BMP5: variants seen among roughly 807,000 people sequenced by gnomAD.
BMP5 encodes bone morphogenetic protein 5.
A neutral mutation model predicts 46.6 loss-of-function variants in BMP5; 23 were observed. That is an observed-to-expected ratio of 0.49 (90% confidence interval 0.35 to 0.70). The LOEUF (loss-of-function observed/expected upper bound fraction) is 0.70, where lower values mean the gene tolerates loss of function less well. Ranked by LOEUF, BMP5 falls within the 30% of genes least tolerant of loss-of-function variation. The pLI, the probability that BMP5 is intolerant of heterozygous loss-of-function variation, is 0.00. For missense variants in BMP5, 545 were observed against 565.6 expected (o/e 0.96, Z 0.37); for synonymous variants, 204 against 191.9 (o/e 1.06, Z -0.52).
rs959536681 is a variant in BMP5, at chr6:55,754,303, A to G, written c.*1230T>C. ...AGAAAATAAATTAATTTTAGAGGGAAGAACACACATGCACACACAGACACA... is the reference window on the plus strand; with the variant it reads ...AGAAAATAAATTAATTTTAGAGGGAGGAACACACATGCACACACAGACACA... On this transcript the variant is annotated 3_prime_UTR_variant, in exon 7 of 7. Transcript: ENST00000370830. The G allele has an allele frequency of 2.6e-5, 3 of 114,372 alleles. No homozygotes were observed. The highest frequency in any genetic ancestry group is 1.1e-4 in the African/African-American group (3 of 27,224). The allele number at this position is 114,372 out of a possible 1,614,324, so 7.1% of individuals were successfully genotyped here.
At chr6:55,820,757 T>C (rs1245356063) in intron 1 of BMP5, among the ~76,000 whole-genome samples, 1 of 150,128 alleles carries the variant, frequency 6.7e-6, no homozygotes, top group Non-Finnish European at 1.5e-5. Flanking sequence ...TGTTTGCTTT[T>C]AAAGCATTTT....
intron 3 of BMP5, among the ~76,000 whole-genome samples, chr6:55,788,448 T>C (rs1242327472): frequency 6.6e-6 from 1 of 151,822 alleles, no homozygotes; most frequent in East Asian, 1.9e-4. Flanking sequence ...TTTCAGAATA[T>C]ACATCAATCT....
intron 1 of BMP5, among the ~76,000 whole-genome samples, chr6:55,863,684 A>G (rs1004570169): frequency 1.3e-5 from 2 of 152,192 alleles, no homozygotes; most frequent in Non-Finnish European, 2.9e-5. Flanking sequence ...TATATATAAC[A>G]CTGGTCTCAT....
intron 1 of BMP5, among the ~76,000 whole-genome samples, chr6:55,834,324 T>A (rs936323622): frequency 9.2e-5 from 14 of 152,188 alleles, no homozygotes; most frequent in Non-Finnish European, 1.0e-4. Flanking sequence ...TCATTACCCC[T>A]AGTTATATTC....
At chr6:55,806,937 G>GCT (rs1776005034) in intron 2 of BMP5, among the ~76,000 whole-genome samples, 1 of 151,878 alleles carries the variant, frequency 6.6e-6, no homozygotes, top group Non-Finnish European at 1.5e-5. Context: ...GAGACTTTTT[G>GCT]GAAGTTGCTT....
At chr6:55,771,765 A>G (rs1394167842) in intron 4 of BMP5, among the ~76,000 whole-genome samples, 2 of 151,894 alleles carry the variant, frequency 1.3e-5, no homozygotes, top group African/African-American at 2.4e-5. Context: ...TCAGGCAAAC[A>G]GGCAATACAA....
At chr6:55,835,840 G>A (rs1776780960) in intron 1 of BMP5, among the ~76,000 whole-genome samples, 1 of 152,130 alleles carries the variant, frequency 6.6e-6, no homozygotes, top group Non-Finnish European at 1.5e-5. Context: ...ACAATTTGGG[G>A]AAAAGAATTA....
At chr6:55,807,528 C>A (rs1446005533) in intron 2 of BMP5, among the ~76,000 whole-genome samples, 1 of 152,096 alleles carries the variant, frequency 6.6e-6, no homozygotes, top group Admixed American at 6.5e-5. Context: ...AGTTTTCTTT[C>A]TTCGTTGTGT....
intron 1 of BMP5, among the ~76,000 whole-genome samples, chr6:55,869,614 C>A (rs1465471342): frequency 6.6e-6 from 1 of 151,906 alleles, no homozygotes; most frequent in Non-Finnish European, 1.5e-5. Context: ...CTTTTTCTTT[C>A]TTTTACTTTT....
intron 4 of BMP5, among the ~76,000 whole-genome samples, chr6:55,765,082 T>C (rs1049514904): frequency 6.6e-6 from 1 of 152,142 alleles, no homozygotes; most frequent in Admixed American, 6.5e-5. Context: ...ATATGTATAA[T>C]TATTATGTAT....
At chr6:55,800,047 T>TAC (rs1775806253) in intron 2 of BMP5, among the ~76,000 whole-genome samples, 1 of 152,168 alleles carries the variant, frequency 6.6e-6, no homozygotes, top group South Asian at 2.1e-4. Flanking sequence ...AACACACATG[T>TAC]ATACACACAC....
At chr6:55,868,666 A>T (rs1365622489) in intron 1 of BMP5, among the ~76,000 whole-genome samples, 1 of 152,078 alleles carries the variant, frequency 6.6e-6, no homozygotes, top group East Asian at 1.9e-4. Context: ...CTTGGTCAAG[A>T]CTCATACAAA....
chr6:55,757,711 A>G (rs1582039849), intron 6 of BMP5, among the ~76,000 whole-genome samples: 1 of 151,958 alleles, frequency 6.6e-6, no homozygotes, highest in African/African-American at 2.4e-5. Flanking sequence ...CTCACTGGTC[A>G]TGAATCAATA....
intron 6 of BMP5, among the ~76,000 whole-genome samples, chr6:55,757,725 A>T (rs904982243): frequency 6.6e-6 from 1 of 151,664 alleles, no homozygotes; most frequent in African/African-American, 2.4e-5. Context: ...ATCAATAAAA[A>T]GAAGAATACT....
At position 55,794,234 on chromosome 6, in the gene BMP5, T is replaced by C. The variant is rs373407378; in HGVS notation, c.832+45A>G. 17 of 1,607,558 alleles carry C rather than the reference T, an allele frequency of 1.1e-5. No homozygotes were observed. In the African/African-American group the frequency reaches 1.6e-4, roughly 15 times the overall value. ...ACATAAAAAACGATAACTCTCAATGTGTCAAACAAGCTTCACAAAAAAATA... is the reference window on the plus strand; with the variant it reads ...ACATAAAAAACGATAACTCTCAATGCGTCAAACAAGCTTCACAAAAAAATA... On this transcript the variant is annotated intron_variant, in intron 3 of 6. Transcript: ENST00000370830.
At chr6:55,795,100 A>G (rs556690783) in intron 2 of BMP5, among the ~76,000 whole-genome samples, 6 of 152,116 alleles carry the variant, frequency 3.9e-5, no homozygotes, top group African/African-American at 1.4e-4. Context: ...TAATCTGCAC[A>G]GTGTTACTGT....
chr6:55,776,629 G>C (rs904709939), intron 3 of BMP5, among the ~76,000 whole-genome samples: 23 of 151,612 alleles, frequency 1.5e-4, no homozygotes, highest in African/African-American at 5.6e-4. Flanking sequence ...ATTTTAACTT[G>C]TATACATTGA....
chr6:55,791,443 G>A (rs1775570384), intron 3 of BMP5, among the ~76,000 whole-genome samples: 1 of 152,042 alleles, frequency 6.6e-6, no homozygotes, highest in African/African-American at 2.4e-5. Flanking sequence ...AGCAACAAAA[G>A]GCTGTATATT....
intron 4 of BMP5, among the ~76,000 whole-genome samples, 181 bp from the exon 5 acceptor site, chr6:55,760,714 T>G (rs1026229399): frequency 6.6e-6 from 1 of 152,010 alleles, no homozygotes; most frequent in African/African-American, 2.4e-5. Context: ...TTACTTGTCC[T>G]GAGTTTCTTC....
Sources: gnomAD v4.1 joint callset for allele counts (sites outside exome capture counted in the v4.1 genomes callset) on GRCh38, gnomAD v4.1.1 for gene constraint, MANE v1.5 for transcripts, NCBI Gene and HGNC (gene_info 2026-07-23, HGNC 2026-07-21) for gene names.